The following DENND1A variants were observed in gnomAD, a reference collection of about 807,000 sequenced individuals.
DENND1A encodes the protein DENN domain-containing protein 1A.
In DENND1A, 51 loss-of-function variants were observed where a neutral mutation model predicts 113.7. The ratio of observed to expected loss-of-function variants is 0.45; its 90% confidence interval spans 0.36 to 0.57. The LOEUF (loss-of-function observed/expected upper bound fraction) is 0.57. Among genes scored for constraint, DENND1A ranks in the 20% least tolerant of loss-of-function variants. DENND1A has a pLI of 0.00. For synonymous variants in DENND1A, 565 were observed against 570.8 expected, an observed-to-expected ratio of 0.99 and a Z score of 0.14; for missense variants, 1,258 against 1,395.9, an observed-to-expected ratio of 0.90 and a Z score of 1.57.
At chr9:123,425,231 C>T (rs1050987375) in intron 19 of DENND1A, among the ~76,000 whole-genome samples, 6 of 152,246 alleles carry the variant, frequency 3.9e-5, no homozygotes, top group East Asian at 1.9e-4. Context: ...CCTCTGGTCT[C>T]GCTGAATCAG....
At chr9:123,675,462 T>G in intron 6 of DENND1A, among the ~76,000 whole-genome samples, 1 of 152,212 alleles carries the variant, frequency 6.6e-6, no homozygotes, top group East Asian at 1.9e-4. Context: ...CCAGTGTGGC[T>G]GAACTGGCAC....
chr9:123,644,610 T>TA (rs1441091741), intron 9 of DENND1A, among the ~76,000 whole-genome samples: 1 of 152,212 alleles, frequency 6.6e-6, no homozygotes, highest in Non-Finnish European at 1.5e-5. Flanking sequence ...AAAATGGTGT[T>TA]AAGTAATGGC....
intron 13 of DENND1A, among the ~76,000 whole-genome samples, chr9:123,544,259 A>C (rs1002594602): frequency 1.3e-5 from 2 of 152,260 alleles, no homozygotes; most frequent in Non-Finnish European, 2.9e-5. Flanking sequence ...TCCAATTATC[A>C]CTACAAATAT....
chr9:123,569,112 G>A (rs1305023309), intron 12 of DENND1A, among the ~76,000 whole-genome samples: 2 of 152,138 alleles, frequency 1.3e-5, no homozygotes, highest in African/African-American at 4.8e-5. Flanking sequence ...TAATTACCCG[G>A]GGTAAAATGA....
At chr9:123,765,319 T>G (rs1828605156) in intron 4 of DENND1A, among the ~76,000 whole-genome samples, 1 of 152,166 alleles carries the variant, frequency 6.6e-6, no homozygotes. Context: ...CAAGCCTATC[T>G]GAGCCTCTGT....
At chr9:123,920,437 C>CA (rs1034050785) in intron 1 of DENND1A, among the ~76,000 whole-genome samples, 181 of 151,792 alleles carry the variant, frequency 1.2e-3, no homozygotes, top group African/African-American at 3.6e-3. Context: ...CACACACACA[C>CA]AAAAAAAACA....
In DENND1A at chr9:123,381,575, G is replaced by A; in HGVS notation, c.3070C>T (p.Gln1024Ter). 6.2e-7 allele frequency: 1 copy of A among 1,613,650 alleles called. No individual in the cohort carries two copies. Among genetic ancestry groups the A allele is most frequent in the Non-Finnish European group, 8.5e-7 (1 of 1,179,972 alleles). ...RPPQGLEPTL[Q>*]PSAPQQARDP... Reference sequence around the variant, plus strand: ...CTGGCCTGTTGAGGAGCAGAGGGCTGCAGTGTTGGCTCCAGGCCTTGAGGG... The same window carrying A: ...CTGGCCTGTTGAGGAGCAGAGGGCTACAGTGTTGGCTCCAGGCCTTGAGGG... The change falls in exon 24 of 24, where the codon CAG becomes TAG. Residue 1024 changes from glutamine to a stop codon, truncating the protein, a stop_gained. Coordinates refer to ENST00000394215, the MANE Select transcript of DENND1A (RefSeq NM_001352964.2). LOFTEE classifies it high-confidence loss of function. The surrounding 1 kb of genome is among the most constrained non-coding windows in gnomAD (Gnocchi z 4.7).
At chr9:123,580,076 G>C (rs1187596279) in intron 12 of DENND1A, among the ~76,000 whole-genome samples, 2 of 152,076 alleles carry the variant, frequency 1.3e-5, no homozygotes. Flanking sequence ...ACAAATGCAG[G>C]TACCATTTCT....
intron 12 of DENND1A, among the ~76,000 whole-genome samples, chr9:123,577,551 T>C (rs1564750748): frequency 6.6e-6 from 1 of 152,244 alleles, no homozygotes; most frequent in Non-Finnish European, 1.5e-5. Flanking sequence ...TGTTAGATAC[T>C]GTGAATGTTA....
intron 13 of DENND1A, among the ~76,000 whole-genome samples, chr9:123,511,674 A>C (rs1270345580): frequency 6.6e-6 from 1 of 152,170 alleles, no homozygotes; most frequent in African/African-American, 2.4e-5. Flanking sequence ...CCATTGAAAA[A>C]CGTGACTGAT....
At chr9:123,882,559 C>A (rs1309152216) in intron 1 of DENND1A, among the ~76,000 whole-genome samples, 1 of 152,146 alleles carries the variant, frequency 6.6e-6, no homozygotes, top group Non-Finnish European at 1.5e-5. Flanking sequence ...CCCCCAAATA[C>A]AACCATCCTT....
intron 18 of DENND1A, among the ~76,000 whole-genome samples, chr9:123,445,437 C>T (rs1004948672): frequency 6.6e-6 from 1 of 152,236 alleles, no homozygotes; most frequent in African/African-American, 2.4e-5. Context: ...GTGACTTGGT[C>T]AGTGCTGGGT....
chr9:123,842,101 AAAG>A (rs1841925241), intron 2 of DENND1A, among the ~76,000 whole-genome samples: 1 of 152,236 alleles, frequency 6.6e-6, no homozygotes, highest in South Asian at 2.1e-4. Flanking sequence ...TCATTAGGGA[AAAG>A]AAGGTGAACA....
intron 5 of DENND1A, among the ~76,000 whole-genome samples, chr9:123,728,479 C>CAAAAAAAA (rs60761810): frequency 0.012 from 296 of 25,196 alleles, 56 homozygotes; most frequent in African/African-American, 0.023. Flanking sequence ...CTCTGTCTCC[C>CAAAAAAAA]AAAAAAAAAA....
chr9:123,723,196 C>G (rs912125992), intron 5 of DENND1A, among the ~76,000 whole-genome samples: 2 of 152,166 alleles, frequency 1.3e-5, no homozygotes, highest in Non-Finnish European at 1.5e-5. Context: ...GCCTACAGCC[C>G]CTCTGTTTTG....
chr9:123,670,598 A>G (rs2063717108), intron 7 of DENND1A, among the ~76,000 whole-genome samples: 1 of 152,230 alleles, frequency 6.6e-6, no homozygotes, highest in Admixed American at 6.5e-5. Flanking sequence ...AACATGTAAT[A>G]GCAGTATATA....
chr9:123,896,313 A>G (rs1850749224), intron 1 of DENND1A, among the ~76,000 whole-genome samples: 1 of 151,746 alleles, frequency 6.6e-6, no homozygotes, highest in Non-Finnish European at 1.5e-5. Context: ...CTCTCTGAAA[A>G]CAAACAAACA....
intron 10 of DENND1A, among the ~76,000 whole-genome samples, chr9:123,618,134 A>G (rs1002136671): frequency 6.6e-6 from 1 of 152,124 alleles, no homozygotes; most frequent in Non-Finnish European, 1.5e-5. Flanking sequence ...TGCTGCACAT[A>G]CTGTCCCTGG....
chr9:123,403,921 G>C (rs752600895), intron 20 of DENND1A, among the ~76,000 whole-genome samples: 1 of 152,196 alleles, frequency 6.6e-6, no homozygotes, highest in Non-Finnish European at 1.5e-5. Context: ...TGTTTTTAGG[G>C]TGAACATGCT....
Sources: allele counts gnomAD v4.1 joint callset (sites outside exome capture counted in the v4.1 genomes callset), GRCh38; gene constraint gnomAD v4.1.1; non-coding constraint Gnocchi (gnomAD v3.1); transcripts MANE v1.5; gene names NCBI Gene and HGNC (gene_info 2026-07-23, HGNC 2026-07-21).